Variants in TAPT1 observed in about 807,000 individuals in gnomAD.
The protein encoded by TAPT1 is transmembrane anterior posterior transformation protein 1 homolog.
Under a neutral mutation model 65.6 loss-of-function variants are expected in TAPT1, and 28 were observed. The ratio of observed to expected loss-of-function variants is 0.43; its 90% confidence interval spans 0.32 to 0.59. The LOEUF (loss-of-function observed/expected upper bound fraction) is 0.59, where lower values mean the gene tolerates loss of function less well. Among genes scored for constraint, TAPT1 ranks in the 20% least tolerant of loss-of-function variants. TAPT1 has a pLI of 0.09. For missense variants in TAPT1, 563 were observed against 679.9 expected (o/e 0.83, Z 1.91); for synonymous variants, 278 against 245.2 (o/e 1.13, Z -1.25).
chr4:16,175,699 C>T (rs779418117), intron 9 of TAPT1, among the ~76,000 whole-genome samples: 6 of 152,056 alleles, frequency 3.9e-5, no homozygotes, highest in Non-Finnish European at 5.9e-5. Flanking sequence ...TGTAGGCTCT[C>T]GTCTTCTAAA....
At chr4:16,219,340 T>A (rs949004428) in intron 1 of TAPT1, among the ~76,000 whole-genome samples, 3 of 152,190 alleles carry the variant, frequency 2.0e-5, no homozygotes, top group Non-Finnish European at 4.4e-5. Flanking sequence ...TTACCTGTGC[T>A]CCCACTGCAG....
At chr4:16,207,448 C>A (rs1578469394) in intron 2 of TAPT1, among the ~76,000 whole-genome samples, 1 of 152,192 alleles carries the variant, frequency 6.6e-6, no homozygotes, top group East Asian at 1.9e-4. Context: ...TAAATGTTAA[C>A]CCCACCACGA....
chr4:16,173,916 T>A (rs1045650183), intron 11 of TAPT1, among the ~76,000 whole-genome samples: 1 of 152,326 alleles, frequency 6.6e-6, no homozygotes, highest in Middle Eastern at 3.4e-3. Context: ...GATATTTCCA[T>A]TAAAAAATGT....
At chr4:16,185,844 T>C (rs1008960667) in intron 7 of TAPT1, among the ~76,000 whole-genome samples, 1 of 152,190 alleles carries the variant, frequency 6.6e-6, no homozygotes, top group South Asian at 2.1e-4. Context: ...GGGTCCTCTC[T>C]ATTGTACATC....
At chr4:16,211,352 A>G (rs1195312135) in intron 2 of TAPT1, among the ~76,000 whole-genome samples, 1 of 152,184 alleles carries the variant, frequency 6.6e-6, no homozygotes, top group Non-Finnish European at 1.5e-5. Flanking sequence ...TAAAAACTTT[A>G]AGTGAAATCC....
chr4:16,216,628 A>G (rs1173091605), intron 1 of TAPT1, among the ~76,000 whole-genome samples: 2 of 152,174 alleles, frequency 1.3e-5, no homozygotes, highest in Non-Finnish European at 2.9e-5. Context: ...CCCAGGGCCA[A>G]TCTTGACAAT....
At chr4:16,212,724 T>C (rs1291426529) in intron 2 of TAPT1, among the ~76,000 whole-genome samples, 1 of 152,368 alleles carries the variant, frequency 6.6e-6, no homozygotes, top group East Asian at 1.9e-4. Context: ...ACTGCCATAT[T>C]TGTTCTCTAA....
At chr4:16,216,586 C>T (rs552278794) in intron 1 of TAPT1, among the ~76,000 whole-genome samples, 95 of 152,318 alleles carry the variant, frequency 6.2e-4, no homozygotes, top group African/African-American at 2.3e-3. Context: ...CAGTTCCTGG[C>T]ATTACCAGTG....
intron 2 of TAPT1, among the ~76,000 whole-genome samples, chr4:16,204,740 T>C (rs1378872236): frequency 2.6e-5 from 4 of 152,234 alleles, no homozygotes; most frequent in African/African-American, 9.6e-5. Flanking sequence ...GACAAGGAGT[T>C]GGCCTGGGTT....
rs187256262 is a variant in TAPT1 at position 16,163,270 on chromosome 4, C to G, written c.*38G>C. On this transcript the variant is annotated 3_prime_UTR_variant, in exon 14 of 14. Transcript: ENST00000405303. The stretch of plus-strand genomic sequence containing the variant: ...GTCCTGGCAACACAGCACTTGTTGC[C>G]CCAGGACCCAGCTTCTTCAGCGCAT... 4 of 1,502,938 alleles carry G rather than the reference C, an allele frequency of 2.7e-6. No homozygotes were observed. The highest frequency in any genetic ancestry group is 3.7e-6 in the Non-Finnish European group (4 of 1,079,050). 93.1% of individuals were successfully genotyped at this position (1,502,938 alleles called of 1,614,324 possible). A position where few individuals can be genotyped will look rare whatever the true frequency, so the allele number is the denominator to read the frequency against.
At chr4:16,174,092 C>G in intron 11 of TAPT1, 112 bp downstream of exon 11, 1 of 896,550 alleles carries the variant, frequency 1.1e-6, no homozygotes, top group Non-Finnish European at 1.6e-6. Flanking sequence ...AGTTATTTAC[C>G]CTTAATTTTT....
chr4:16,202,596 G>GA lies in TAPT1; in HGVS notation c.331-17dup. 1 of 1,352,914 alleles carries GA rather than the reference G, an allele frequency of 7.4e-7. No homozygotes were observed. Among genetic ancestry groups the GA allele is most frequent in the Admixed American group, 2.7e-5 (1 of 37,002 alleles). The allele number at this position is 1,352,914 out of a possible 1,614,324, so 83.8% of individuals were successfully genotyped here. On this transcript the variant is annotated splice_polypyrimidine_tract_variant and intron_variant, in intron 2 of 13. Coordinates refer to ENST00000405303, the MANE Select transcript of TAPT1 (RefSeq NM_153365.3). ...AAACCATCAGCTGAATTTTAACAAGGAGAGAAGAAAAAAAAAAAGTATTTT... is the reference window on the plus strand; with the variant it reads ...AAACCATCAGCTGAATTTTAACAAGGAAGAGAAGAAAAAAAAAAAGTATTTT...
intron 2 of TAPT1, among the ~76,000 whole-genome samples, chr4:16,210,724 A>G (rs547732809): frequency 1.3e-5 from 2 of 152,314 alleles, no homozygotes; most frequent in South Asian, 4.1e-4. Context: ...GAGAAAGTAT[A>G]GTTTAATCTC....
intron 2 of TAPT1, among the ~76,000 whole-genome samples, chr4:16,205,168 C>T (rs565997041): frequency 7.9e-5 from 12 of 152,322 alleles, no homozygotes; most frequent in Non-Finnish European, 1.6e-4. Context: ...TGACAAAAAT[C>T]TCCTGCCCTT....
In TAPT1 at chr4:16,184,723, C is replaced by T. The variant is rs921130488; in HGVS notation, c.916+1812G>A. On this transcript the variant is annotated intron_variant, in intron 7 of 13. Coordinates refer to ENST00000405303, the MANE Select transcript of TAPT1 (RefSeq NM_153365.3). ...TCCAGTGACATTTTCCCTAATAATG[C>T]CGAGCAGCTTTTCATGACCTTATTG... Among the ~76,000 whole-genome samples the T allele has an allele frequency of 3.3e-5, 5 of 152,176 alleles. No homozygotes were observed. In the South Asian group the frequency reaches 1.0e-3, roughly 32 times the overall value.
At chr4:16,220,499 T>C (rs1176444218) in intron 1 of TAPT1, among the ~76,000 whole-genome samples, 2 of 152,174 alleles carry the variant, frequency 1.3e-5, no homozygotes, top group Admixed American at 6.5e-5. Flanking sequence ...TTTTTAAAAA[T>C]AGACACTTTG....
chr4:16,163,498 T>C lies in TAPT1; in HGVS notation c.1514A>G (p.Lys505Arg). 2 of 1,614,008 alleles carry C rather than the reference T, an allele frequency of 1.2e-6. No homozygotes were observed. Among genetic ancestry groups the C allele is most frequent in the Non-Finnish European group, 1.7e-6 (2 of 1,179,870 alleles). Residue 505 changes from lysine to arginine, a missense_variant, in exon 14 of 14, where the codon AAA becomes AGA. Coordinates refer to ENST00000405303, the MANE Select transcript of TAPT1 (RefSeq NM_153365.3). ...ATTTTCCTTTTGATGAATAGGTTGT[T>C]TGGTGATGGAGGCAGACAGGTTTTC... Reference protein sequence around the residue: ...TEENLSASITKQPIHQKENII... With the variant: ...TEENLSASITRQPIHQKENII...
At chr4:16,197,947 T>A (rs1578454746) in intron 3 of TAPT1, among the ~76,000 whole-genome samples, 1 of 152,212 alleles carries the variant, frequency 6.6e-6, no homozygotes. Context: ...ATTCTTGAGA[T>A]CACTGAGGAC....
chr4:16,171,891 T>C (rs970123297), intron 11 of TAPT1, among the ~76,000 whole-genome samples: 14 of 152,332 alleles, frequency 9.2e-5, no homozygotes, highest in Middle Eastern at 3.4e-3. Flanking sequence ...ACATTTTTTC[T>C]TCCTTTTTTC....
Sources: gnomAD v4.1 joint callset for allele counts (sites outside exome capture counted in the v4.1 genomes callset) on GRCh38, gnomAD v4.1.1 for gene constraint, MANE v1.5 for transcripts, NCBI Gene and HGNC (gene_info 2026-07-23, HGNC 2026-07-21) for gene names.